Variants in DPP10 observed in about 807,000 individuals in gnomAD.
DPP10 encodes inactive dipeptidyl peptidase 10.
Under a neutral mutation model 120.9 loss-of-function variants are expected in DPP10, and 33 were observed. That is an observed-to-expected ratio of 0.27 (90% CI 0.21 to 0.37). The LOEUF (loss-of-function observed/expected upper bound fraction) is 0.37, where lower values mean the gene tolerates loss of function less well. Ranked by LOEUF, DPP10 falls within the 10% of genes least tolerant of loss-of-function variation. DPP10 has a pLI of 1.00. For synonymous variants in DPP10, 337 were observed against 326.1 expected (o/e 1.03, Z -0.36); for missense variants, 816 against 942.8 (o/e 0.87, Z 1.76).
chr2:115,315,192 A>G (rs892122565), intron 2 of DPP10, among the ~76,000 whole-genome samples: 2 of 82,582 alleles, frequency 2.4e-5, no homozygotes, highest in Admixed American at 1.6e-4. Flanking sequence ...AAGACAACAG[A>G]TTAAAAAAAA....
At chr2:114,468,014 C>A (rs1230547832) in intron 1 of DPP10, among the ~76,000 whole-genome samples, 1 of 152,112 alleles carries the variant, frequency 6.6e-6, no homozygotes, top group African/African-American at 2.4e-5. Flanking sequence ...GAGTGATACA[C>A]CATCTTAGTA....
intron 1 of DPP10, among the ~76,000 whole-genome samples, chr2:114,787,093 G>C (rs1318760006): frequency 1.3e-5 from 2 of 152,178 alleles, no homozygotes; most frequent in Admixed American, 6.5e-5. Context: ...GAAAACTTAA[G>C]AAACAGTGAT....
At chr2:115,186,686 T>A (rs561150976) in intron 1 of DPP10, among the ~76,000 whole-genome samples, 1 of 152,124 alleles carries the variant, frequency 6.6e-6, no homozygotes, top group Non-Finnish European at 1.5e-5. Context: ...TATAAGCAAT[T>A]TATGTGACTA....
chr2:115,637,841 G>C (rs2086473340), intron 5 of DPP10, among the ~76,000 whole-genome samples: 1 of 152,086 alleles, frequency 6.6e-6, no homozygotes, highest in Admixed American at 6.6e-5. Flanking sequence ...GAAAAATTAA[G>C]CCTAGACATC....
At chr2:115,573,715 C>G (rs1212791364) in intron 5 of DPP10, among the ~76,000 whole-genome samples, 1 of 149,336 alleles carries the variant, frequency 6.7e-6, no homozygotes, top group Non-Finnish European at 1.5e-5. Context: ...GCCACCATGC[C>G]CAGCTGATCT....
rs13382430 is a variant in DPP10 at position 115,748,566 on chromosome 2, A to G, written c.950+2383A>G. Among the ~76,000 whole-genome samples the G allele has an allele frequency of 5.0e-3, 761 of 152,168 alleles. 4 individuals carry two copies. Among genetic ancestry groups the G allele is most frequent in the African/African-American group, 0.012 (513 of 41,538 alleles). On this transcript the variant is annotated intron_variant, in intron 10 of 25. Transcript: ENST00000410059. ...TTATAAACCAGATTCTCTGACCTCCACACTGGAGAACAACATTTTTTTGTT... is the reference window on the plus strand; with the variant it reads ...TTATAAACCAGATTCTCTGACCTCCGCACTGGAGAACAACATTTTTTTGTT...
At chr2:115,147,697 T>C (rs906091731) in intron 1 of DPP10, among the ~76,000 whole-genome samples, 1 of 152,094 alleles carries the variant, frequency 6.6e-6, no homozygotes, top group Non-Finnish European at 1.5e-5. Flanking sequence ...ATAAATGATA[T>C]GTGACAAATC....
intron 3 of DPP10, among the ~76,000 whole-genome samples, chr2:115,496,531 C>A (rs2076404493): frequency 6.6e-6 from 1 of 152,062 alleles, no homozygotes; most frequent in Non-Finnish European, 1.5e-5. Context: ...TTCGATCACC[C>A]CTAATAACAA....
chr2:114,895,071 T>A (rs1692855776), intron 1 of DPP10, among the ~76,000 whole-genome samples: 1 of 152,190 alleles, frequency 6.6e-6, no homozygotes, highest in Admixed American at 6.5e-5. Context: ...TCCTATATAG[T>A]TGTTGAGAAG....
At chr2:115,079,360 C>T (rs1311041385) in intron 1 of DPP10, among the ~76,000 whole-genome samples, 2 of 77,144 alleles carry the variant, frequency 2.6e-5, no homozygotes, top group Admixed American at 1.4e-4. Context: ...AGCCAGACTC[C>T]GTCTCAAAAA....
At chr2:115,263,370 G>T (rs1263933805) in intron 1 of DPP10, among the ~76,000 whole-genome samples, 1 of 152,164 alleles carries the variant, frequency 6.6e-6, no homozygotes, top group Non-Finnish European at 1.5e-5. Context: ...AACCAAGTCT[G>T]TGTTGTGGCT....
At chr2:115,757,329 C>T (rs1256024553) in intron 11 of DPP10, among the ~76,000 whole-genome samples, 1 of 149,288 alleles carries the variant, frequency 6.7e-6, no homozygotes, top group African/African-American at 2.5e-5. Context: ...GGGCAATTTC[C>T]AAAAAAAAAT....
rs147113554 is a variant in DPP10 at position 114,498,276 on chromosome 2, T to C, written c.60+55438T>C. Reference sequence around the variant, plus strand: ...TCAAAACTTATTCTTCTGCCTGTCCTATTTGAAACTTGGTACCCTTTGAAC... The same window carrying C: ...TCAAAACTTATTCTTCTGCCTGTCCCATTTGAAACTTGGTACCCTTTGAAC... On this transcript the variant is annotated intron_variant, in intron 1 of 25. Transcript: ENST00000410059. Among the ~76,000 whole-genome samples the C allele has an allele frequency of 2.0e-5, 3 of 152,298 alleles. 1 individual carries two copies. In the East Asian group the frequency reaches 5.8e-4, roughly 29 times the overall value.
chr2:115,641,331 T>C (rs1055158261), intron 5 of DPP10, among the ~76,000 whole-genome samples: 1 of 152,156 alleles, frequency 6.6e-6, no homozygotes, highest in Non-Finnish European at 1.5e-5. Flanking sequence ...GCGTGATTTG[T>C]CCTCACCTGT....
intron 1 of DPP10, among the ~76,000 whole-genome samples, chr2:114,913,284 A>G (rs984722041): frequency 6.6e-6 from 1 of 152,148 alleles, no homozygotes; most frequent in Non-Finnish European, 1.5e-5. Flanking sequence ...AAATGGATAC[A>G]TGCACATGGG....
At chr2:114,710,707 T>C (rs561520055) in intron 1 of DPP10, among the ~76,000 whole-genome samples, 2 of 152,186 alleles carry the variant, frequency 1.3e-5, no homozygotes, top group South Asian at 2.1e-4. Context: ...ATCATGACAC[T>C]GCACTCCAGC....
chr2:114,974,369 A>G (rs2104810184), intron 1 of DPP10, among the ~76,000 whole-genome samples: 1 of 151,652 alleles, frequency 6.6e-6, no homozygotes, highest in Admixed American at 6.6e-5. Flanking sequence ...CCTAGGGGCA[A>G]TAGGTTATTC....
chr2:115,668,210 A>G (rs1317426302), intron 5 of DPP10, among the ~76,000 whole-genome samples: 2 of 152,026 alleles, frequency 1.3e-5, no homozygotes, highest in Non-Finnish European at 2.9e-5. Context: ...GCTGAGTGCT[A>G]TGGTTTGAAT....
intron 5 of DPP10, among the ~76,000 whole-genome samples, chr2:115,556,915 A>C (rs779983538): frequency 5.3e-5 from 8 of 152,124 alleles, no homozygotes; most frequent in Non-Finnish European, 1.0e-4. Context: ...TTTTATGCCA[A>C]ATTAGGTGAG....
Sources: gnomAD v4.1 joint callset for allele counts (sites outside exome capture counted in the v4.1 genomes callset) on GRCh38, gnomAD v4.1.1 for gene constraint, MANE v1.5 for transcripts, NCBI Gene and HGNC (gene_info 2026-07-23, HGNC 2026-07-21) for gene names.